The following TMEM131L variants were observed in gnomAD, a reference collection of about 807,000 sequenced individuals.
TMEM131L encodes the protein transmembrane protein 131-like.
TMEM131L carries 54 observed loss-of-function variants against 192.2 expected under a neutral mutation model. That is an observed-to-expected ratio of 0.28 (90% confidence interval 0.23 to 0.35). The LOEUF (loss-of-function observed/expected upper bound fraction) is 0.35, where lower values mean the gene tolerates loss of function less well. Ranked by LOEUF, TMEM131L falls within the 10% of genes least tolerant of loss-of-function variation. The pLI, the probability that TMEM131L is intolerant of heterozygous loss-of-function variation, is 1.00. For missense variants in TMEM131L, 1,888 were observed against 1,972.9 expected (o/e 0.96, Z 0.82); for synonymous variants, 701 against 704.9 (o/e 0.99, Z 0.09).
intron 3 of TMEM131L, among the ~76,000 whole-genome samples, chr4:153,475,355 A>G (rs971188367): frequency 2.0e-5 from 3 of 152,204 alleles, no homozygotes; most frequent in Non-Finnish European, 2.9e-5. Flanking sequence ...AGTTTAGAGA[A>G]TATACGGATA....
chr4:153,624,597 C>T (rs1476597294), intron 29 of TMEM131L, among the ~76,000 whole-genome samples: 2 of 152,242 alleles, frequency 1.3e-5, no homozygotes, highest in African/African-American at 2.4e-5. Context: ...GGTGCCCACA[C>T]GCCCCGTGAG....
rs1354168716 is a variant in TMEM131L, at chr4:153,582,420, GTTTTTTTTTGTTGTTTTTTTT to G, written c.893-760_893-740del. Among the ~76,000 whole-genome samples the G allele has an allele frequency of 1.8e-4, 15 of 81,844 alleles. 1 individual carries two copies. Among genetic ancestry groups the G allele is most frequent in the African/African-American group, 7.1e-4 (13 of 18,240 alleles). The allele number at this position is 81,844 out of a possible 152,430, so 53.7% of individuals were successfully genotyped here. On this transcript the variant is annotated intron_variant, in intron 9 of 34. Coordinates refer to ENST00000409959, the MANE Select transcript of TMEM131L (RefSeq NM_001131007.2). The stretch of plus-strand genomic sequence containing the variant: ...CCACTATGCCTGGCTAATTTAAACC[GTTTTTTTTTGTTGTTTTTTTT>G]TTTTTTTTTTTTTTTTTTGTAGAGA...
At chr4:153,632,660 G>T in intron 31 of TMEM131L, 58 bp from the exon 32 acceptor site, 1 of 1,606,136 alleles carries the variant, frequency 6.2e-7, no homozygotes, top group South Asian at 1.1e-5. Context: ...GGTGCAGGAA[G>T]GGTAGGATGA....
chr4:153,467,515 C>A (rs1434150322), intron 2 of TMEM131L, among the ~76,000 whole-genome samples: 1 of 152,260 alleles, frequency 6.6e-6, no homozygotes, highest in East Asian at 1.9e-4. Flanking sequence ...AGGTGGGAAC[C>A]CAGGCCACCT....
At chr4:153,572,508 T>C (rs1490470556) in intron 7 of TMEM131L, among the ~76,000 whole-genome samples, 1 of 151,964 alleles carries the variant, frequency 6.6e-6, no homozygotes, top group East Asian at 1.9e-4. Flanking sequence ...TTTTTGTAAT[T>C]TTAGTAGAGA....
intron 3 of TMEM131L, among the ~76,000 whole-genome samples, chr4:153,498,315 A>G (rs566596045): frequency 2.6e-5 from 4 of 152,298 alleles, no homozygotes; most frequent in East Asian, 3.9e-4. Context: ...CTAAAAGCCC[A>G]CTTACGGACA....
At chr4:153,629,244 ATCTTGCT>A (rs1734053089) in intron 31 of TMEM131L, among the ~76,000 whole-genome samples, 1 of 151,980 alleles carries the variant, frequency 6.6e-6, no homozygotes, top group South Asian at 2.1e-4. Flanking sequence ...CGTTTACTTG[ATCTTGCT>A]TCTTGCTTTA....
At chr4:153,619,980 C>T (rs1287779243) in intron 26 of TMEM131L, among the ~76,000 whole-genome samples, 1 of 152,080 alleles carries the variant, frequency 6.6e-6, no homozygotes, top group Non-Finnish European at 1.5e-5. Flanking sequence ...TGAGCTACCA[C>T]CACCGCCCAC....
chr4:153,492,290 C>T (rs76446621), intron 3 of TMEM131L, among the ~76,000 whole-genome samples: 2,171 of 152,212 alleles, frequency 0.014, 61 homozygotes, highest in African/African-American at 0.05. Flanking sequence ...CTGGGATTAC[C>T]GGCATGAGCC....
At chr4:153,635,688 G>A in intron 34 of TMEM131L, 117 bp downstream of exon 34, 2 of 1,207,800 alleles carry the variant, frequency 1.7e-6, no homozygotes, top group Non-Finnish European at 2.3e-6. Context: ...CCAAAGCCTG[G>A]CTTGCTTCTT....
intron 3 of TMEM131L, among the ~76,000 whole-genome samples, chr4:153,493,596 G>T (rs1732953974): frequency 6.6e-6 from 1 of 152,034 alleles, no homozygotes; most frequent in Non-Finnish European, 1.5e-5. Context: ...GGAGGTGGAG[G>T]TTGCAGTGAG....
At chr4:153,478,972 T>C (rs1731739168) in intron 3 of TMEM131L, among the ~76,000 whole-genome samples, 1 of 152,240 alleles carries the variant, frequency 6.6e-6, no homozygotes, top group Non-Finnish European at 1.5e-5. Flanking sequence ...GAGGAGTCAC[T>C]ACTAACTTTG....
intron 3 of TMEM131L, among the ~76,000 whole-genome samples, chr4:153,485,815 T>C (rs1732293223): frequency 6.6e-6 from 1 of 152,228 alleles, no homozygotes; most frequent in South Asian, 2.1e-4. Context: ...GTAATTGCCC[T>C]TGTGTAAACC....
At chr4:153,577,214 G>A (rs918244991) in intron 7 of TMEM131L, among the ~76,000 whole-genome samples, 2 of 152,168 alleles carry the variant, frequency 1.3e-5, no homozygotes, top group African/African-American at 4.8e-5. Flanking sequence ...GCATGCGCAG[G>A]GAGGTCGAGA....
intron 3 of TMEM131L, among the ~76,000 whole-genome samples, chr4:153,532,791 C>G (rs992767239): frequency 1.3e-5 from 2 of 152,032 alleles, no homozygotes; most frequent in Non-Finnish European, 2.9e-5. Flanking sequence ...GACTTTTGGA[C>G]ACAATCTCAT....
rs574824247 is a variant in TMEM131L at position 153,610,165 on chromosome 4, C to A, written c.3419-2087C>A. Among the ~76,000 whole-genome samples the A allele has an allele frequency of 6.6e-5, 10 of 152,302 alleles. No individual in the cohort carries two copies. In the South Asian group the frequency reaches 2.1e-3, roughly 32 times the overall value. On this transcript the variant is annotated intron_variant, in intron 25 of 34. Coordinates refer to ENST00000409959, the MANE Select transcript of TMEM131L (RefSeq NM_001131007.2). ...CTGAAAGTTGTGTCCCAGCAGTCCT[C>A]TAAATGAAGTTGATCTAAACCCTCT...
At chr4:153,636,000 G>T (rs905795881) in intron 34 of TMEM131L, among the ~76,000 whole-genome samples, 3 of 152,110 alleles carry the variant, frequency 2.0e-5, no homozygotes, top group African/African-American at 4.8e-5. Flanking sequence ...TCCCTGCTCA[G>T]AAGCCCGATG....
At chr4:153,489,265 G>A (rs1222159413) in intron 3 of TMEM131L, among the ~76,000 whole-genome samples, 2 of 152,116 alleles carry the variant, frequency 1.3e-5, no homozygotes, top group South Asian at 2.1e-4. Context: ...GATCCACTGT[G>A]AAGCTTCCTT....
At position 153,603,997 on chromosome 4, in the gene TMEM131L, C is replaced by T. The variant is rs764864378; in HGVS notation, c.2985C>T (p.Ala995=). ...AACACAAAACCAGCACAGCTGCGGC[C>T]AGCAGCACCAGCACGACTACTGAGG... The part of the protein sequence containing the change: ...YSKHKTSTAA[A]SSTSTTTEEK... Residue 995 remains alanine (A), a synonymous_variant, in exon 25 of 35, where the codon GCC becomes GCT. Coordinates refer to ENST00000409959, the MANE Select transcript of TMEM131L (RefSeq NM_001131007.2). The T allele has an allele frequency of 6.2e-7, 1 of 1,614,094 alleles. No homozygotes were observed.
Sources: allele counts gnomAD v4.1 joint callset (sites outside exome capture counted in the v4.1 genomes callset), GRCh38; gene constraint gnomAD v4.1.1; transcripts MANE v1.5; gene names NCBI Gene and HGNC (gene_info 2026-07-23, HGNC 2026-07-21).